Variants in MEX3D observed in about 807,000 individuals in gnomAD.
The protein encoded by MEX3D is mex-3 RNA binding family member D, also known as RNA-binding protein MEX3D.
MEX3D carries 4 observed loss-of-function variants against 6.3 expected under a neutral mutation model. That is an observed-to-expected ratio of 0.64 (90% CI 0.31 to 1.46). The LOEUF (loss-of-function observed/expected upper bound fraction) is 1.46, where lower values mean the gene tolerates loss of function less well. Among genes scored for constraint, MEX3D ranks in the 40% most tolerant of loss-of-function variants. The pLI is 0.07. For synonymous variants in MEX3D, 626 were observed against 494.1 expected (o/e 1.27, Z -3.54); for missense variants, 1,038 against 994.4 (o/e 1.04, Z -0.59).
chr19:1,558,916 C>T (rs997085082), intron 1 of MEX3D, among the ~76,000 whole-genome samples: 1 of 151,734 alleles, frequency 6.6e-6, no homozygotes, highest in East Asian at 1.9e-4. Context: ...TGTAGGCAAC[C>T]GCTGACCAGG....
At chr19:1,566,819 C>T (rs1914853564) in intron 1 of MEX3D, among the ~76,000 whole-genome samples, 1 of 152,156 alleles carries the variant, frequency 6.6e-6, no homozygotes, top group African/African-American at 2.4e-5. Flanking sequence ...CTGGACCCCA[C>T]ACCCGGGGCC....
At chr19:1,566,113 G>C (rs897594012) in intron 1 of MEX3D, among the ~76,000 whole-genome samples, 1 of 152,192 alleles carries the variant, frequency 6.6e-6, no homozygotes, top group African/African-American at 2.4e-5. Flanking sequence ...AGGCCGGGTG[G>C]AAGGCCTCAA....
At chr19:1,561,702 A>G (rs975854133) in intron 1 of MEX3D, among the ~76,000 whole-genome samples, 1 of 152,050 alleles carries the variant, frequency 6.6e-6, no homozygotes, top group Non-Finnish European at 1.5e-5. Flanking sequence ...CCCAGGCTGG[A>G]GTGCAGTCAC....
intron 1 of MEX3D, among the ~76,000 whole-genome samples, chr19:1,566,138 C>T (rs953023375): frequency 5.3e-5 from 8 of 152,312 alleles, no homozygotes; most frequent in Middle Eastern, 3.4e-3. Flanking sequence ...GAGGCAGTAA[C>T]AGGATGGTAG....
At chr19:1,558,049 CAAAAAAA>C (rs35362564) in intron 1 of MEX3D, among the ~76,000 whole-genome samples, 1 of 83,880 alleles carries the variant, frequency 1.2e-5, no homozygotes, top group South Asian at 4.2e-4. Flanking sequence ...GACTCCATTT[CAAAAAAA>C]AAAAAAAAAA....
At chr19:1,558,903 T>C (rs900096308) in intron 1 of MEX3D, among the ~76,000 whole-genome samples, 2 of 151,754 alleles carry the variant, frequency 1.3e-5, no homozygotes, top group African/African-American at 2.4e-5. Context: ...TCCTCACCGA[T>C]TGTGTAGGCA....
intron 1 of MEX3D, among the ~76,000 whole-genome samples, chr19:1,566,538 A>C (rs1353755161): frequency 6.6e-6 from 1 of 151,916 alleles, no homozygotes; most frequent in East Asian, 1.9e-4. Flanking sequence ...CAAGTTCTAG[A>C]ACCTGGCTGA....
Position 1,555,431 on chromosome 19 carries a change from G to T in MEX3D, c.*132C>A. ...AGCTCATCTGTAAACACTGGCCGCC[G>T]CCCACCCCCCTGCCCCCTCGGCCTC... On this transcript the variant is annotated 3_prime_UTR_variant, in exon 2 of 2. Transcript: ENST00000402693. 1.4e-6 allele frequency: 2 copies of T among 1,454,354 alleles called. No homozygotes were observed. Among genetic ancestry groups the T allele is most frequent in the South Asian group, 1.2e-5 (1 of 82,194 alleles). The allele number at this position is 1,454,354 out of a possible 1,614,324, so 90.1% of individuals were successfully genotyped here.
rs1168416431 is a variant in MEX3D at position 1,567,954 on chromosome 19, C to T, written c.105G>A (p.Pro35=). 3.3e-5 allele frequency: 32 copies of T among 976,236 alleles called. No individual in the cohort carries two copies. The African/African-American group carries it at 4.3e-4, about 13-fold the overall frequency. 60.5% of individuals were successfully genotyped at this position (976,236 alleles called of 1,614,324 possible). A position where few individuals can be genotyped will look rare whatever the true frequency, so the allele number is the denominator to read the frequency against. Residue 35 remains proline, a synonymous_variant, in exon 1 of 2, where the codon CCG becomes CCA. Coordinates refer to ENST00000402693, the MANE Select transcript of MEX3D (RefSeq NM_203304.4). This position sits in a 1 kb window ranked among gnomAD's most constrained non-coding sequence, Gnocchi z 6.5. ...GEDPGPGPAP[P]PEGAQEAAPA... is the part of the protein sequence containing the mutation. ...GCGCGGCCTCCTGGGCGCCCTCGGG[C>T]GGGGGCGCAGGTCCGGGTCCGGGGT...
At position 1,556,042 on chromosome 19, in the gene MEX3D, C is replaced by T. The variant is rs1391157141; in HGVS notation, c.1477G>A (p.Gly493Arg). The change falls in exon 2 of 2, where the codon GGA (glycine) becomes AGA (arginine). Residue 493 changes from glycine (G) to arginine (R), a missense_variant. Gly to Arg is a moderately radical substitution (Grantham distance 125, BLOSUM62 -2). This residue lies in a region of MEX3D where 581 missense variants were observed against 516.2 expected (regional missense o/e 1.13). Coordinates refer to ENST00000402693, the MANE Select transcript of MEX3D (RefSeq NM_203304.4). This position sits in a 1 kb window ranked among gnomAD's most constrained non-coding sequence, Gnocchi z 7.5. ...PAFSGCSTVNGAPGPPAAGAR... is the reference protein window; with the variant it reads ...PAFSGCSTVNRAPGPPAAGAR... ...CCGGCGGCGGGAGGTCCCGGGGCTC[C>T]GTTGACCGTGGAGCAGCCGCTGAAG... 4 of 1,332,486 alleles carry T rather than the reference C, an allele frequency of 3.0e-6. No homozygotes were observed. The highest frequency in any genetic ancestry group is 3.8e-6 in the Non-Finnish European group (4 of 1,040,774). 82.5% of individuals were successfully genotyped at this position (1,332,486 alleles called of 1,614,324 possible). A position where few individuals can be genotyped will look rare whatever the true frequency, so the allele number is the denominator to read the frequency against.
chr19:1,555,486 CA>C lies in MEX3D; in HGVS notation c.*76del. The C allele has an allele frequency of 6.6e-7, 1 of 1,504,124 alleles. No individual in the cohort carries two copies. The highest frequency in any genetic ancestry group is 8.9e-7 in the Non-Finnish European group (1 of 1,121,068). The allele number at this position is 1,504,124 out of a possible 1,614,324, so 93.2% of individuals were successfully genotyped here. A position where few individuals can be genotyped will look rare whatever the true frequency, so the allele number is the denominator to read the frequency against. On this transcript the variant is annotated 3_prime_UTR_variant, in exon 2 of 2. Transcript: ENST00000402693. Reference sequence around the variant, plus strand: ...CCTCGCCCCCTCCCCGTCCCTCTCCCACCCCGGGTCCCGCCCCGTCTCCCGC... The same window carrying C: ...CCTCGCCCCCTCCCCGTCCCTCTCCCCCCCGGGTCCCGCCCCGTCTCCCGC...
At position 1,555,722 on chromosome 19, in the gene MEX3D, C is replaced by T; in HGVS notation, c.1797G>A (p.Glu599=). The change falls in exon 2 of 2, where the codon GAG becomes GAA. Residue 599 remains glutamate (E), a synonymous_variant. Coordinates refer to ENST00000402693, the MANE Select transcript of MEX3D (RefSeq NM_203304.4). ...CCTCGCCCTCGGCGCACACCACGCACTCTCGCGCCAGGGCCGGGGCCGAGG... is the reference window on the plus strand; with the variant it reads ...CCTCGCCCTCGGCGCACACCACGCATTCTCGCGCCAGGGCCGGGGCCGAGG... ...SASSAPALAR[E]CVVCAEGEVM... The T allele has an allele frequency of 6.5e-7, 1 of 1,535,352 alleles. No individual in the cohort carries two copies. Among genetic ancestry groups the T allele is most frequent in the Non-Finnish European group, 8.7e-7 (1 of 1,147,206 alleles).
intron 1 of MEX3D, among the ~76,000 whole-genome samples, chr19:1,562,016 C>T (rs1914730364): frequency 6.7e-6 from 1 of 149,686 alleles, no homozygotes; most frequent in Admixed American, 6.6e-5. Flanking sequence ...AATCCCAGCA[C>T]TTTGGGAGGC....
At position 1,556,192 on chromosome 19, in the gene MEX3D, C is replaced by T. The variant is rs753013288; in HGVS notation, c.1327G>A (p.Val443Met). ...AFGAEGPGAP[V>M]GTAAPDDCDF... is the part of the protein sequence containing the mutation. ...CAGTCGTCGGGGGCGGCCGTCCCCACCGGGGCACCGGGACCCTCCGCGCCG... is the reference window on the plus strand; with the variant it reads ...CAGTCGTCGGGGGCGGCCGTCCCCATCGGGGCACCGGGACCCTCCGCGCCG... Residue 443 changes from valine to methionine, a missense_variant, in exon 2 of 2, where the codon GTG becomes ATG. Coordinates refer to ENST00000402693, the MANE Select transcript of MEX3D (RefSeq NM_203304.4). The surrounding 1 kb of genome is among the most constrained non-coding windows in gnomAD (Gnocchi z 7.5). 1.8e-5 allele frequency: 26 copies of T among 1,450,940 alleles called. No individual in the cohort carries two copies. In the East Asian group the frequency reaches 7.7e-4, roughly 43 times the overall value. 89.9% of individuals were successfully genotyped at this position (1,450,940 alleles called of 1,614,324 possible). A position where few individuals can be genotyped will look rare whatever the true frequency, so the allele number is the denominator to read the frequency against.
intron 1 of MEX3D, among the ~76,000 whole-genome samples, chr19:1,560,307 G>A (rs991444673): frequency 2.0e-5 from 3 of 152,244 alleles, no homozygotes; most frequent in South Asian, 2.1e-4. Flanking sequence ...CACAGGGAGT[G>A]GAGACCCAGC....
At chr19:1,559,706 A>G (rs894906232) in intron 1 of MEX3D, among the ~76,000 whole-genome samples, 16 of 152,214 alleles carry the variant, frequency 1.1e-4, no homozygotes, top group Admixed American at 7.2e-4. Context: ...GCAAGAGATG[A>G]AATGAGCAGG....
chr19:1,566,569 C>T (rs1162465113), intron 1 of MEX3D, among the ~76,000 whole-genome samples: 1 of 152,032 alleles, frequency 6.6e-6, no homozygotes, highest in Non-Finnish European at 1.5e-5. Context: ...TCAGCGGGGA[C>T]CCAGGAGCGG....
At chr19:1,563,260 G>T (rs1215937095) in intron 1 of MEX3D, among the ~76,000 whole-genome samples, 1 of 152,208 alleles carries the variant, frequency 6.6e-6, no homozygotes, top group Non-Finnish European at 1.5e-5. Context: ...CTCTGGGGCT[G>T]CAGCCAGGAA....
At position 1,556,490 on chromosome 19, in the gene MEX3D, G is replaced by A. The variant is rs148280574; in HGVS notation, c.1029C>T (p.Gly343=). 2.9e-5 allele frequency: 46 copies of A among 1,603,858 alleles called. No homozygotes were observed. In the South Asian group the frequency reaches 4.5e-4, roughly 16 times the overall value. Residue 343 remains glycine (G), a synonymous_variant, in exon 2 of 2, where the codon GGC becomes GGT. Coordinates refer to ENST00000402693, the MANE Select transcript of MEX3D (RefSeq NM_203304.4). The surrounding 1 kb of genome is among the most constrained non-coding windows in gnomAD (Gnocchi z 7.5). ...TGTCGGGGCCCGCGTCGGTGAAGGC[G>A]CCAGTGCGCAGCGTGATGTGCGCCT... ...EIEAHITLRT[G]AFTDAGPDSD... is the part of the protein sequence containing the mutation.
Sources: allele counts gnomAD v4.1 joint callset (sites outside exome capture counted in the v4.1 genomes callset), GRCh38; gene constraint gnomAD v4.1.1; regional missense constraint gnomAD v4.1.1; non-coding constraint Gnocchi (gnomAD v3.1); transcripts MANE v1.5; gene names NCBI Gene and HGNC (gene_info 2026-07-23, HGNC 2026-07-21).